Variants in ACKR3 observed in about 807,000 individuals in gnomAD.
ACKR3 encodes atypical chemokine receptor 3, also known as C-X-C chemokine receptor type 7.
Under a neutral mutation model 22.4 loss-of-function variants are expected in ACKR3, and 6 were observed. That is an observed-to-expected ratio of 0.27 (90% CI 0.15 to 0.53). ACKR3 has a LOEUF of 0.53. Among genes scored for constraint, ACKR3 ranks in the 20% least tolerant of loss-of-function variants. The pLI is 0.96. For synonymous variants in ACKR3, 209 were observed against 205.2 expected (o/e 1.02, Z -0.16); for missense variants, 396 against 475.2 (o/e 0.83, Z 1.55).
At chr2:236,566,899 TCTCCCTC>T (rs1691195679), upstream of ACKR3, among the ~76,000 whole-genome samples, 1 of 151,472 alleles carries the variant, frequency 6.6e-6, no homozygotes, top group Non-Finnish European at 1.5e-5. Flanking sequence ...TCTCTCTGTC[TCTCCCTC>T]TTTCTTTCTT....
rs539841616 is a variant in ACKR3, at chr2:236,577,267, C to T, written c.-26-3173C>T. Among the ~76,000 whole-genome samples, 17 of 152,262 alleles carry T rather than the reference C, an allele frequency of 1.1e-4. No individual in the cohort carries two copies. Among genetic ancestry groups the T allele is most frequent in the African/African-American group, 4.1e-4 (17 of 41,538 alleles). On this transcript the variant is annotated intron_variant, in intron 1 of 1. Coordinates refer to ENST00000272928, the MANE Select transcript of ACKR3 (RefSeq NM_020311.3). The surrounding 1 kb of genome is among the most constrained non-coding windows in gnomAD (Gnocchi z 5.6). Reference sequence around the variant, plus strand: ...GTTGGAAGTTTCCCACTGTGCCACCCGGGAGGGGAGAAGCAAGGACAGAGG... The same window carrying T: ...GTTGGAAGTTTCCCACTGTGCCACCTGGGAGGGGAGAAGCAAGGACAGAGG...
At chr2:236,560,669 G>T in the ACKR3 span, among the ~76,000 whole-genome samples, 1 of 152,234 alleles carries the variant, frequency 6.6e-6, no homozygotes, top group African/African-American at 2.4e-5. Flanking sequence ...TTGCTGTGCA[G>T]GTTTTTAGTT....
At chr2:236,543,986 T>G in the ACKR3 span, among the ~76,000 whole-genome samples, 1 of 67,986 alleles carries the variant, frequency 1.5e-5, no homozygotes, top group East Asian at 4.0e-4. Context: ...TATATATATA[T>G]ATATATACAC....
At position 236,581,835 on chromosome 2, in the gene ACKR3, AG is replaced by A. The variant is rs555188999; in HGVS notation, c.*283del. 2.2e-3 allele frequency: 660 copies of A among 294,014 alleles called. 7 individuals carry two copies. Among genetic ancestry groups the A allele is most frequent in the African/African-American group, 0.014 (623 of 46,084 alleles). 18.2% of individuals were successfully genotyped at this position (294,014 alleles called of 1,614,324 possible). ...AGGCTTGCCTGGACTTCTGTAAGATAGGATTTTCTGTGTTTCCTGAATTTTT... is the reference window on the plus strand; with the variant it reads ...AGGCTTGCCTGGACTTCTGTAAGATAGATTTTCTGTGTTTCCTGAATTTTT... On this transcript the variant is annotated 3_prime_UTR_variant, in exon 2 of 2. Transcript: ENST00000272928. This position sits in a 1 kb window ranked among gnomAD's most constrained non-coding sequence, Gnocchi z 4.4.
At chr2:236,570,183 T>C (rs771731113) in intron 1 of ACKR3, among the ~76,000 whole-genome samples, 10 of 152,220 alleles carry the variant, frequency 6.6e-5, no homozygotes, top group Non-Finnish European at 1.3e-4. Context: ...AATTTCCATG[T>C]GTATTTAGGA....
chr2:236,581,578 C>G lies in ACKR3; in HGVS notation c.*24C>G. The G allele has an allele frequency of 6.3e-7, 1 of 1,597,890 alleles. No individual in the cohort carries two copies. The highest frequency in any genetic ancestry group is 8.5e-7 in the Non-Finnish European group (1 of 1,169,940). On this transcript the variant is annotated 3_prime_UTR_variant, in exon 2 of 2. Coordinates refer to ENST00000272928, the MANE Select transcript of ACKR3 (RefSeq NM_020311.3). This position sits in a 1 kb window ranked among gnomAD's most constrained non-coding sequence, Gnocchi z 4.4. ...GATCTGCCCTGGAGAGGCTCTGGGA[C>G]GGGTTTACTTGTTTTTGAACAGGGT...
At chr2:236,563,305 C>T (rs747347826), upstream of ACKR3, among the ~76,000 whole-genome samples, 19 of 152,170 alleles carry the variant, frequency 1.2e-4, no homozygotes, top group East Asian at 3.9e-4. Context: ...ATCCGGCACG[C>T]GCCAAGCACA....
At chr2:236,580,402 C>T (rs2106509027) in intron 1 of ACKR3, 38 bp from the exon 2 acceptor site, 1 of 1,550,894 alleles carries the variant, frequency 6.4e-7, no homozygotes, top group South Asian at 1.3e-5. Context: ...AAGTGACTTT[C>T]CTCTTCCATC....
At chr2:236,552,360 A>G in the ACKR3 span, among the ~76,000 whole-genome samples, 65 of 152,202 alleles carry the variant, frequency 4.3e-4, no homozygotes, top group South Asian at 0.011. Flanking sequence ...TCTATTATAC[A>G]TGGTGAAAAT....
At position 236,581,602 on chromosome 2, in the gene ACKR3, G is replaced by T. The variant is rs1244010486; in HGVS notation, c.*48G>T. 1 of 1,574,252 alleles carries T rather than the reference G, an allele frequency of 6.4e-7. No individual in the cohort carries two copies. The highest frequency in any genetic ancestry group is 8.6e-7 in the Non-Finnish European group (1 of 1,159,536). ...ACGGGTTTACTTGTTTTTGAACAGG[G>T]TGATGGGCCCTATGGTTTTCTAGAG... is the stretch of plus-strand genomic sequence containing the variant. On this transcript the variant is annotated 3_prime_UTR_variant, in exon 2 of 2. Coordinates refer to ENST00000272928, the MANE Select transcript of ACKR3 (RefSeq NM_020311.3). The surrounding 1 kb of genome is among the most constrained non-coding windows in gnomAD (Gnocchi z 4.4).
chr2:236,578,774 T>C (rs1439209727), intron 1 of ACKR3, among the ~76,000 whole-genome samples: 2 of 152,268 alleles, frequency 1.3e-5, no homozygotes, highest in East Asian at 3.9e-4. Context: ...AACAACCCAG[T>C]CTCTGTGCGA....
chr2:236,575,922 G>T (rs544784296), intron 1 of ACKR3, among the ~76,000 whole-genome samples: 1 of 152,196 alleles, frequency 6.6e-6, no homozygotes, highest in South Asian at 2.1e-4. Flanking sequence ...AATATTTTGA[G>T]GAGAGAAACG....
chr2:236,575,530 GCGTGTGTCTGGGGTTGTGC>G (rs1691393834), intron 1 of ACKR3, among the ~76,000 whole-genome samples: 1 of 140,832 alleles, frequency 7.1e-6, no homozygotes, highest in African/African-American at 2.9e-5. Flanking sequence ...TGCTGTGTGT[GCGTGTGTCTGGGGTTGTGC>G]TGTGTGTGTG....
At chr2:236,567,610 A>G (rs543710731), upstream of ACKR3, among the ~76,000 whole-genome samples, 797 of 152,268 alleles carry the variant, frequency 5.2e-3, 5 homozygotes, top group African/African-American at 0.018. Context: ...GGAGACAGCC[A>G]AGTTCAGGCC....
At chr2:236,551,138 C>A in the ACKR3 span, among the ~76,000 whole-genome samples, 1 of 152,230 alleles carries the variant, frequency 6.6e-6, no homozygotes, top group Non-Finnish European at 1.5e-5. Context: ...TTCCCGAGGG[C>A]AGGGCTGGGA....
chr2:236,542,527 GA>G, the ACKR3 span, among the ~76,000 whole-genome samples: 1 of 152,164 alleles, frequency 6.6e-6, no homozygotes, highest in Non-Finnish European at 1.5e-5. Context: ...ATATCATGTA[GA>G]GCATTATGAT....
the ACKR3 span, among the ~76,000 whole-genome samples, chr2:236,550,735 C>T: frequency 6.6e-6 from 1 of 152,196 alleles, no homozygotes; most frequent in Non-Finnish European, 1.5e-5. This position sits in a 1 kb window ranked among gnomAD's most constrained non-coding sequence, Gnocchi z 4.6. Flanking sequence ...TAGTAATTCT[C>T]TGCAGGGCTG....
chr2:236,547,463 A>T, the ACKR3 span, among the ~76,000 whole-genome samples: 1 of 152,214 alleles, frequency 6.6e-6, no homozygotes, highest in African/African-American at 2.4e-5. Flanking sequence ...ATTTACCGAC[A>T]AGCAGATTAT....
At chr2:236,537,520 C>A in the ACKR3 span, among the ~76,000 whole-genome samples, 1 of 152,152 alleles carries the variant, frequency 6.6e-6, no homozygotes, top group Non-Finnish European at 1.5e-5. Context: ...TAATCCATGA[C>A]CCTGAAGTTT....
Sources: gnomAD v4.1 joint callset for allele counts (sites outside exome capture counted in the v4.1 genomes callset) on GRCh38, gnomAD v4.1.1 for gene constraint, Gnocchi (gnomAD v3.1) non-coding constraint, MANE v1.5 for transcripts, NCBI Gene and HGNC (gene_info 2026-07-23, HGNC 2026-07-21) for gene names.